Variants in ESR1 observed in about 807,000 individuals in gnomAD.
ESR1 encodes the protein estrogen receptor.
A neutral mutation model predicts 52.7 loss-of-function variants in ESR1; 12 were observed. The observed-to-expected ratio is 0.23, with a 90% confidence interval of 0.15 to 0.37. The LOEUF (loss-of-function observed/expected upper bound fraction) is 0.37, where lower values mean the gene tolerates loss of function less well. Ranked by LOEUF, ESR1 falls within the 10% of genes least tolerant of loss-of-function variation. The pLI is 1.00. For missense variants in ESR1, 584 were observed against 779.7 expected (o/e 0.75, Z 2.99); for synonymous variants, 305 against 316.8 (o/e 0.96, Z 0.39).
At chr6:151,797,375 A>AT (rs1776812530) in intron 2 of ESR1, among the ~76,000 whole-genome samples, 1 of 152,236 alleles carries the variant, frequency 6.6e-6, no homozygotes, top group African/African-American at 2.4e-5. Flanking sequence ...CAAAGATCAC[A>AT]TTTTGCATGA....
chr6:151,889,587 T>A (rs1794399398), intron 3 of ESR1, among the ~76,000 whole-genome samples: 1 of 152,188 alleles, frequency 6.6e-6, no homozygotes, highest in South Asian at 2.1e-4. Context: ...CAATTTTGTT[T>A]ATCTTTTTAA....
At chr6:151,662,529 G>A (rs1216537420) in intron 1 of ESR1, among the ~76,000 whole-genome samples, 2 of 152,186 alleles carry the variant, frequency 1.3e-5, no homozygotes, top group Non-Finnish European at 2.9e-5. Context: ...CTCAGCGTCT[G>A]TGCTGTACTG....
At chr6:151,803,077 C>G (rs1401397635), upstream of ESR1, among the ~76,000 whole-genome samples, 1 of 151,996 alleles carries the variant, frequency 6.6e-6, no homozygotes, top group Non-Finnish European at 1.5e-5. Context: ...TTACATTGTC[C>G]TTTTAAGTAT....
At chr6:151,679,436 G>A (rs781042843) in intron 1 of ESR1, among the ~76,000 whole-genome samples, 3 of 152,052 alleles carry the variant, frequency 2.0e-5, no homozygotes, top group Non-Finnish European at 2.9e-5. Context: ...CGCAACCTCC[G>A]TCTCCCAGGT....
In ESR1 at chr6:152,098,999, C is replaced by A. The variant is rs750222373; in HGVS notation, c.*33C>A. On this transcript the variant is annotated 3_prime_UTR_variant, in exon 8 of 8. Transcript: ENST00000206249. The surrounding 1 kb of genome is among the most constrained non-coding windows in gnomAD (Gnocchi z 5.1). ...CTGGCTCCCACACGGTTCAGATAAT[C>A]CCTGCTGCATTTTACCCTCATCATG... is the stretch of plus-strand genomic sequence containing the variant. 2 of 1,571,718 alleles carry A rather than the reference C, an allele frequency of 1.3e-6. No individual in the cohort carries two copies. Among genetic ancestry groups the A allele is most frequent in the South Asian group, 1.1e-5 (1 of 89,880 alleles).
At chr6:152,085,993 A>C (rs1005649118) in intron 6 of ESR1, among the ~76,000 whole-genome samples, 6 of 152,198 alleles carry the variant, frequency 3.9e-5, no homozygotes, top group African/African-American at 1.4e-4. Context: ...CAGGCAAGAA[A>C]AGGTAGGATC....
At chr6:151,890,717 C>A (rs1794586270) in intron 3 of ESR1, among the ~76,000 whole-genome samples, 1 of 151,970 alleles carries the variant, frequency 6.6e-6, no homozygotes, top group Non-Finnish European at 1.5e-5. Context: ...AATGAATTGA[C>A]CCTCTTGTCA....
chr6:152,075,027 C>T (rs937359656), intron 6 of ESR1, among the ~76,000 whole-genome samples: 1 of 152,116 alleles, frequency 6.6e-6, no homozygotes, highest in Non-Finnish European at 1.5e-5. Flanking sequence ...TATTTTCTCC[C>T]AGTCTGTGGC....
chr6:152,100,346 C>A lies in ESR1; in HGVS notation c.*1380C>A. The A allele has an allele frequency of 2.7e-6, 1 of 366,234 alleles. No individual in the cohort carries two copies. Among genetic ancestry groups the A allele is most frequent in the Non-Finnish European group, 4.9e-6 (1 of 205,410 alleles). 22.7% of individuals were successfully genotyped at this position (366,234 alleles called of 1,614,324 possible). A position where few individuals can be genotyped will look rare whatever the true frequency, so the allele number is the denominator to read the frequency against. ...CTGGGGCCTGGTCAGATTACGTATGCCCTTGGTGGTTTAGAGATAATCCAA... is the reference window on the plus strand; with the variant it reads ...CTGGGGCCTGGTCAGATTACGTATGACCTTGGTGGTTTAGAGATAATCCAA... On this transcript the variant is annotated 3_prime_UTR_variant, in exon 8 of 8. Coordinates refer to ENST00000206249, the MANE Select transcript of ESR1 (RefSeq NM_000125.4).
At chr6:152,017,377 A>C (rs899870088) in intron 5 of ESR1, among the ~76,000 whole-genome samples, 19 of 152,286 alleles carry the variant, frequency 1.2e-4, no homozygotes, top group African/African-American at 4.6e-4. Flanking sequence ...AGTGAGTTCC[A>C]AACACTTAAT....
chr6:151,949,490 T>C (rs12664896), intron 4 of ESR1, among the ~76,000 whole-genome samples: 24,485 of 152,186 alleles, frequency 0.16, 2,253 homozygotes, highest in African/African-American at 0.23. Context: ...TAATGAAAGA[T>C]AACATGACAT....
At chr6:152,118,373 G>A (rs968933891) in intron 6 of ESR1, 2 of 152,156 alleles carry the variant, frequency 1.3e-5, no homozygotes, top group Non-Finnish European at 1.5e-5. Context: ...ATCAATGATA[G>A]ACTGGATAAA....
At chr6:151,947,518 A>G (rs2035841901) in intron 4 of ESR1, among the ~76,000 whole-genome samples, 1 of 152,220 alleles carries the variant, frequency 6.6e-6, no homozygotes, top group African/African-American at 2.4e-5. Flanking sequence ...AAAAATAGTC[A>G]ATACTTTGGG....
In ESR1 at chr6:151,944,225, A is replaced by G. The variant is rs759559596; in HGVS notation, c.813A>G (p.Arg271=). ...GGRMLKHKRQ[R]DDGEGRGEVG... ...GAATGTTGAAACACAAGCGCCAGAG[A>G]GATGATGGGGAGGGCAGGGGTGAAG... Residue 271 remains arginine, a synonymous_variant, in exon 4 of 8, where the codon AGA becomes AGG. Coordinates refer to ENST00000206249, the MANE Select transcript of ESR1 (RefSeq NM_000125.4). 5.7e-5 allele frequency: 92 copies of G among 1,613,948 alleles called. No individual in the cohort carries two copies. Among genetic ancestry groups the G allele is most frequent in the Non-Finnish European group, 7.4e-5 (87 of 1,180,004 alleles).
At chr6:151,772,510 A>G (rs1458384623) in intron 2 of ESR1, among the ~76,000 whole-genome samples, 1 of 152,020 alleles carries the variant, frequency 6.6e-6, no homozygotes, top group Admixed American at 6.5e-5. Context: ...AATTTAGCAA[A>G]CTCTATGGCA....
chr6:151,712,325 C>T (rs1190219597), intron 2 of ESR1, among the ~76,000 whole-genome samples: 1 of 151,802 alleles, frequency 6.6e-6, no homozygotes, highest in African/African-American at 2.4e-5. Flanking sequence ...GCTATACGGG[C>T]TTTTTTTTGG....
chr6:151,896,192 C>T (rs376625567), intron 3 of ESR1, among the ~76,000 whole-genome samples: 4 of 152,284 alleles, frequency 2.6e-5, no homozygotes, highest in African/African-American at 9.6e-5. Flanking sequence ...GTGATACTGG[C>T]TTCATCGAAT....
intron 4 of ESR1, among the ~76,000 whole-genome samples, chr6:151,960,012 A>G (rs59166610): frequency 0.16 from 24,362 of 152,126 alleles, 2,234 homozygotes; most frequent in African/African-American, 0.23. Flanking sequence ...ATTTTAATCC[A>G]TTTTGTTCCT....
At chr6:152,113,385 G>T (rs908190960) in intron 6 of ESR1, among the ~76,000 whole-genome samples, 2 of 152,172 alleles carry the variant, frequency 1.3e-5, no homozygotes, top group African/African-American at 4.8e-5. Context: ...GGGGCGGGGG[G>T]CACCTGGAAA....
Sources: allele counts gnomAD v4.1 joint callset (sites outside exome capture counted in the v4.1 genomes callset), GRCh38; gene constraint gnomAD v4.1.1; non-coding constraint Gnocchi (gnomAD v3.1); transcripts MANE v1.5; gene names NCBI Gene and HGNC (gene_info 2026-07-23, HGNC 2026-07-21).